Variants in PRKN observed in about 807,000 individuals in gnomAD.
PRKN encodes the protein parkin RBR E3 ubiquitin protein ligase.
A neutral mutation model predicts 59.5 loss-of-function variants in PRKN; 56 were observed. The ratio of observed to expected loss-of-function variants is 0.94; its 90% CI spans 0.76 to 1.18. PRKN has a LOEUF of 1.18. Among genes scored for constraint, PRKN ranks in the 50% most tolerant of loss-of-function variants. The probability of loss-of-function intolerance (pLI) is 0.00; values close to 1 mark genes in which losing one functional copy is unlikely to be tolerated. For synonymous variants in PRKN, 250 were observed against 222.1 expected (o/e 1.13, Z -1.12); for missense variants, 657 against 596.4 (o/e 1.10, Z -1.06).
intron 6 of PRKN, among the ~76,000 whole-genome samples, chr6:161,891,263 A>G (rs1442843044): frequency 1.3e-5 from 2 of 152,186 alleles, no homozygotes; most frequent in Non-Finnish European, 2.9e-5. Context: ...ATAGGATCAC[A>G]GCCAAGTTCA....
intron 2 of PRKN, among the ~76,000 whole-genome samples, chr6:162,323,597 TAAAC>T (rs1783133322): frequency 1.3e-5 from 2 of 152,004 alleles, no homozygotes; most frequent in South Asian, 2.1e-4. Flanking sequence ...GAAAAAGATT[TAAAC>T]AAACACTTCA....
At chr6:162,015,605 C>A in intron 5 of PRKN, among the ~76,000 whole-genome samples, 1 of 152,156 alleles carries the variant, frequency 6.6e-6, no homozygotes, top group East Asian at 1.9e-4. Context: ...CCCTTCCTTT[C>A]TCCCCTGTCA....
At chr6:162,332,069 C>T (rs570709465) in intron 2 of PRKN, among the ~76,000 whole-genome samples, 1 of 152,166 alleles carries the variant, frequency 6.6e-6, no homozygotes, top group Admixed American at 6.6e-5. Flanking sequence ...GCCATCTGCT[C>T]TTTAAAGGTT....
At chr6:161,786,025 A>G in intron 6 of PRKN, 117 bp from the exon 7 acceptor site, 4 of 1,008,896 alleles carry the variant, frequency 4.0e-6, no homozygotes, top group Non-Finnish European at 4.6e-6. Flanking sequence ...CTGTGCAAAG[A>G]CCGGAGCTGC....
chr6:161,703,043 A>G (rs1786319960), intron 7 of PRKN, among the ~76,000 whole-genome samples: 1 of 151,720 alleles, frequency 6.6e-6, no homozygotes, highest in Admixed American at 6.6e-5. Context: ...AAAAAAAAAA[A>G]AAAGAAAACA....
intron 6 of PRKN, among the ~76,000 whole-genome samples, chr6:161,828,104 A>C (rs1792323344): frequency 6.6e-6 from 1 of 152,198 alleles, no homozygotes; most frequent in Admixed American, 6.5e-5. Flanking sequence ...GAATCTGAAT[A>C]AATAGAAAGA....
intron 10 of PRKN, among the ~76,000 whole-genome samples, chr6:161,365,668 C>T (rs1785169611): frequency 6.6e-6 from 1 of 152,126 alleles, no homozygotes; most frequent in African/African-American, 2.4e-5. Context: ...CTTCCGATCC[C>T]CCGAGCACAC....
chr6:162,544,739 G>A (rs530109054), intron 1 of PRKN, among the ~76,000 whole-genome samples: 8 of 141,712 alleles, frequency 5.6e-5, no homozygotes, highest in South Asian at 4.5e-4. Flanking sequence ...GAGCAGTGGC[G>A]CGATGTCGAC....
intron 1 of PRKN, among the ~76,000 whole-genome samples, chr6:162,617,086 A>G (rs565775045): frequency 6.6e-6 from 1 of 152,240 alleles, no homozygotes; most frequent in South Asian, 2.1e-4. Flanking sequence ...TATGGGTACA[A>G]TGTGATATTT....
chr6:162,031,481 G>C (rs1388882276), intron 5 of PRKN, among the ~76,000 whole-genome samples: 1 of 150,760 alleles, frequency 6.6e-6, no homozygotes, highest in Non-Finnish European at 1.5e-5. Flanking sequence ...TGATGCAAAA[G>C]TAAGATTATA....
At chr6:161,917,709 A>G (rs1444538917) in intron 6 of PRKN, among the ~76,000 whole-genome samples, 4 of 152,234 alleles carry the variant, frequency 2.6e-5, no homozygotes, top group Admixed American at 1.3e-4. Flanking sequence ...ACTAGACACA[A>G]ATACTAAGCA....
In PRKN at chr6:161,405,607, AAAATAAATAAATAAAT is replaced by A. The variant is rs10655203; in HGVS notation, c.1084-18746_1084-18731del. On this transcript the variant is annotated intron_variant, in intron 9 of 11. Coordinates refer to ENST00000366898, the MANE Select transcript of PRKN (RefSeq NM_004562.3). This position sits in a 1 kb window ranked among gnomAD's most constrained non-coding sequence, Gnocchi z 5.1. ...AAAAAATAAAATAAAATAAAAATTA[AAAATAAATAAATAAAT>A]AAATAAATAAATAAATAAATAAATA... Among the ~76,000 whole-genome samples, 6,746 of 145,070 alleles carry A rather than the reference AAAATAAATAAATAAAT, an allele frequency of 0.047. 191 individuals carry two copies. Among genetic ancestry groups the A allele is most frequent in the Admixed American group, 0.09 (1,311 of 14,574 alleles).
At position 162,224,546 on chromosome 6, in the gene PRKN, C is replaced by T. The variant is rs575190353; in HGVS notation, c.413-23294G>A. 3.3e-5 allele frequency among the ~76,000 whole-genome samples: 5 copies of T among 152,264 alleles called. No individual in the cohort carries two copies. The South Asian group carries it at 1.0e-3, about 32-fold the overall frequency. ...GACTGAATTTACATCCACTAATGTG[C>T]ATGTGGGGAAGGACAAGTTGGAGAA... is the stretch of plus-strand genomic sequence containing the variant. On this transcript the variant is annotated intron_variant, in intron 3 of 11. Transcript: ENST00000366898.
chr6:161,973,484 C>T, intron 5 of PRKN, 67 bp from the exon 6 acceptor site: 1 of 836,878 alleles, frequency 1.2e-6, no homozygotes, highest in Non-Finnish European at 2.0e-6. Context: ...TAAATGTTTC[C>T]ACAGTAAACA....
Position 161,529,508 on chromosome 6 carries a change from A to G in PRKN, c.1083+19346T>C, listed in dbSNP as rs1779128939. On this transcript the variant is annotated intron_variant, in intron 9 of 11. Transcript: ENST00000366898. This position sits in a 1 kb window ranked among gnomAD's most constrained non-coding sequence, Gnocchi z 4.4. ...GGAAAGGTGAAATGGCTTACTTATG[A>G]TCTCACAGCAATGGGACAGAGAAAT... 6.6e-6 allele frequency among the ~76,000 whole-genome samples: 1 copy of G among 152,170 alleles called. No individual in the cohort carries two copies. Among genetic ancestry groups the G allele is most frequent in the Admixed American group, 6.5e-5 (1 of 15,274 alleles).
chr6:161,626,972 T>C (rs774711135), intron 7 of PRKN, among the ~76,000 whole-genome samples: 2 of 151,928 alleles, frequency 1.3e-5, no homozygotes, highest in Non-Finnish European at 2.9e-5. Flanking sequence ...TTACATCCCC[T>C]TGTTACCTAA....
chr6:162,395,290 A>G (rs2128146674), intron 2 of PRKN, among the ~76,000 whole-genome samples: 1 of 152,332 alleles, frequency 6.6e-6, no homozygotes, highest in African/African-American at 2.4e-5. Flanking sequence ...TGCCACTTGA[A>G]CATTTGGATT....
chr6:161,582,971 AACACACACACACACACACACACACACAC>A lies in PRKN; in HGVS notation c.872-13583_872-13556del, dbSNP rs768568929. ...TCTTTCCAGTGAGATGGCCTATTCC[AACACACACACACACACACACACACACAC>A]ACACACACACACACACACACACATA... On this transcript the variant is annotated intron_variant, in intron 7 of 11. Transcript: ENST00000366898. The surrounding 1 kb of genome is among the most constrained non-coding windows in gnomAD (Gnocchi z 4.4). Among the ~76,000 whole-genome samples the A allele has an allele frequency of 1.7e-5, 2 of 117,158 alleles. No homozygotes were observed. The highest frequency in any genetic ancestry group is 2.9e-5 in the African/African-American group (1 of 34,450). The allele number at this position is 117,158 out of a possible 152,430, so 76.9% of individuals were successfully genotyped here.
At chr6:162,422,647 A>C (rs1789027357) in intron 2 of PRKN, among the ~76,000 whole-genome samples, 1 of 152,194 alleles carries the variant, frequency 6.6e-6, no homozygotes, top group Non-Finnish European at 1.5e-5. Context: ...TAGGACATTA[A>C]GAGTCATAAG....
Sources: allele counts gnomAD v4.1 joint callset (sites outside exome capture counted in the v4.1 genomes callset), GRCh38; gene constraint gnomAD v4.1.1; non-coding constraint Gnocchi (gnomAD v3.1); transcripts MANE v1.5; gene names NCBI Gene and HGNC (gene_info 2026-07-23, HGNC 2026-07-21).